Variants in SFT2D1 observed in about 807,000 individuals in gnomAD.
SFT2D1 encodes SFT2 domain containing 1.
A neutral mutation model predicts 28.1 loss-of-function variants in SFT2D1; 24 were observed. The ratio of observed to expected loss-of-function variants is 0.85; its 90% CI spans 0.62 to 1.20. The LOEUF (loss-of-function observed/expected upper bound fraction) is 1.20. SFT2D1 is among the 50% of genes most tolerant of loss of function. SFT2D1 has a pLI of 0.00. For synonymous variants in SFT2D1, 82 were observed against 73.7 expected, an observed-to-expected ratio of 1.11 and a Z score of -0.58; for missense variants, 181 against 190.9, an observed-to-expected ratio of 0.95 and a Z score of 0.31.
intron 1 of SFT2D1, among the ~76,000 whole-genome samples, chr6:166,330,890 CAG>C (rs1778537774): frequency 6.6e-6 from 1 of 152,244 alleles, no homozygotes; most frequent in African/African-American, 2.4e-5. Flanking sequence ...GCAGCCCCAG[CAG>C]AGACGATCAC....
At chr6:166,325,614 C>T (rs1438685323) in intron 5 of SFT2D1, among the ~76,000 whole-genome samples, 2 of 152,268 alleles carry the variant, frequency 1.3e-5, no homozygotes, top group African/African-American at 2.4e-5. Context: ...CTCACCACTG[C>T]AGACTCACAG....
chr6:166,335,976 T>C (rs1450521939), intron 1 of SFT2D1, among the ~76,000 whole-genome samples: 2 of 152,258 alleles, frequency 1.3e-5, no homozygotes, highest in African/African-American at 4.8e-5. Context: ...TCGTTTCTGT[T>C]CTGTGGAAAG....
intron 1 of SFT2D1, among the ~76,000 whole-genome samples, chr6:166,330,827 A>G (rs111952596): frequency 1.5e-3 from 221 of 152,304 alleles, no homozygotes; most frequent in African/African-American, 5.1e-3. Flanking sequence ...GGGTGGGGTG[A>G]CTGCACCCCA....
chr6:166,328,880 CAA>C (rs1450636093), intron 3 of SFT2D1, among the ~76,000 whole-genome samples: 1 of 152,246 alleles, frequency 6.6e-6, no homozygotes, highest in Non-Finnish European at 1.5e-5. Context: ...CAAAGATTCT[CAA>C]AGAGGGATTC....
chr6:166,330,756 AGAGGCTGGCCTT>A (rs1342227660), intron 1 of SFT2D1, among the ~76,000 whole-genome samples: 1 of 152,210 alleles, frequency 6.6e-6, no homozygotes, highest in African/African-American at 2.4e-5. Flanking sequence ...TGCTGGAGGC[AGAGGCTGGCCTT>A]CCACACGCCA....
In SFT2D1 at chr6:166,342,406, G is replaced by T; in HGVS notation, c.63+13C>A. On this transcript the variant is annotated intron_variant, in intron 1 of 7. Transcript: ENST00000361731. ...GGCAGCCCCGGGACTGGACGAGGGC[G>T]CAAGTTCGCTACCTGCGCAGTCAGG... 6.5e-7 allele frequency: 1 copy of T among 1,550,064 alleles called. No homozygotes were observed. The highest frequency in any genetic ancestry group is 8.7e-7 in the Non-Finnish European group (1 of 1,147,506).
chr6:166,329,791 G>C (rs1161375241), intron 2 of SFT2D1, among the ~76,000 whole-genome samples: 1 of 152,008 alleles, frequency 6.6e-6, no homozygotes, highest in Non-Finnish European at 1.5e-5. Flanking sequence ...CTTCCTATTT[G>C]CACTAGCATA....
intron 4 of SFT2D1, among the ~76,000 whole-genome samples, chr6:166,326,807 T>G (rs111795213): frequency 1.3e-5 from 2 of 152,230 alleles, no homozygotes; most frequent in South Asian, 4.1e-4. Context: ...TCTCAACATG[T>G]GTGTTTTTGT....
At chr6:166,325,868 T>G in intron 5 of SFT2D1, 1 of 550,580 alleles carries the variant, frequency 1.8e-6, no homozygotes, top group South Asian at 2.3e-5. Flanking sequence ...GACAGTAGAA[T>G]CTATGGCACA....
chr6:166,323,947 A>G (rs1422229774), intron 6 of SFT2D1: 1 of 151,634 alleles, frequency 6.6e-6, no homozygotes, highest in Non-Finnish European at 1.5e-5. Context: ...CAGAGGTTGC[A>G]GTGAGCCAAG....
chr6:166,335,889 G>C (rs1778640385), intron 1 of SFT2D1, among the ~76,000 whole-genome samples: 1 of 152,176 alleles, frequency 6.6e-6, no homozygotes, highest in African/African-American at 2.4e-5. Flanking sequence ...AAGAAGATAT[G>C]TTTTAGACAA....
At chr6:166,328,801 G>A (rs1285257558) in intron 3 of SFT2D1, among the ~76,000 whole-genome samples, 2 of 152,200 alleles carry the variant, frequency 1.3e-5, no homozygotes, top group African/African-American at 4.8e-5. Flanking sequence ...TTCCTAAGTC[G>A]CCCAGTCTAC....
intron 4 of SFT2D1, among the ~76,000 whole-genome samples, chr6:166,327,424 A>G (rs1778466057): frequency 6.6e-6 from 1 of 152,192 alleles, no homozygotes; most frequent in African/African-American, 2.4e-5. Flanking sequence ...CAGGCTCAAG[A>G]TAATAAGAGT....
At position 166,330,087 on chromosome 6, in the gene SFT2D1, G is replaced by A. The variant is rs1395248784; in HGVS notation, c.150+74C>T. ...AACAGGGATTTAGTAAAGGACATTA[G>A]TTTTTGGTACTAAATGGAATTATTA... On this transcript the variant is annotated intron_variant, in intron 2 of 7. Coordinates refer to ENST00000361731, the MANE Select transcript of SFT2D1 (RefSeq NM_145169.3). 3 of 1,196,024 alleles carry A rather than the reference G, an allele frequency of 2.5e-6. No homozygotes were observed. The African/African-American group carries it at 4.7e-5, about 19-fold the overall frequency. 74.1% of individuals were successfully genotyped at this position (1,196,024 alleles called of 1,614,324 possible).
Position 166,322,721 on chromosome 6 carries a change from T to G in SFT2D1, c.440+136A>C, listed in dbSNP as rs558129563. The G allele has an allele frequency of 1.6e-3, 1,126 of 697,436 alleles. 7 individuals carry two copies. Among genetic ancestry groups the G allele is most frequent in the Non-Finnish European group, 1.1e-4 (48 of 421,260 alleles). The allele number at this position is 697,436 out of a possible 1,614,324, so 43.2% of individuals were successfully genotyped here. On this transcript the variant is annotated intron_variant, in intron 7 of 7. Coordinates refer to ENST00000361731, the MANE Select transcript of SFT2D1 (RefSeq NM_145169.3). ...AAAAAAAAAAAAAAAAGTATGTTTA[T>G]TTCCTTTTAGGAAATTAAAATCAAC...
At position 166,324,626 on chromosome 6, in the gene SFT2D1, G is replaced by A. The variant is rs143843697; in HGVS notation, c.352-31C>T. 508 of 1,588,478 alleles carry A rather than the reference G, an allele frequency of 3.2e-4. 1 individual carries two copies. The African/African-American group carries it at 6.3e-3, about 20-fold the overall frequency. On this transcript the variant is annotated intron_variant, in intron 5 of 7. Transcript: ENST00000361731. ...AACAGCAAAAACAGAGCAATTATGAGTTTCAAAGTTTTAAAAACATCTTTC... is the reference window on the plus strand; with the variant it reads ...AACAGCAAAAACAGAGCAATTATGAATTTCAAAGTTTTAAAAACATCTTTC...
At chr6:166,329,479 A>C (rs1024835828) in intron 3 of SFT2D1, 28 bp downstream of exon 3, 2 of 1,594,714 alleles carry the variant, frequency 1.3e-6, no homozygotes, top group Non-Finnish European at 1.7e-6. Flanking sequence ...GCAAGAGCAA[A>C]CAAGATATTT....
chr6:166,340,045 G>A (rs536886622), intron 1 of SFT2D1, among the ~76,000 whole-genome samples: 3 of 152,202 alleles, frequency 2.0e-5, no homozygotes, highest in South Asian at 2.1e-4. Flanking sequence ...TGCTCAGGTC[G>A]AATGCCATGA....
intron 4 of SFT2D1, among the ~76,000 whole-genome samples, chr6:166,326,886 ATCT>A (rs1778453965): frequency 6.6e-6 from 1 of 152,196 alleles, no homozygotes; most frequent in African/African-American, 2.4e-5. Context: ...ACTAACTAAA[ATCT>A]TAGTGGAATA....
Sources: allele counts gnomAD v4.1 joint callset (sites outside exome capture counted in the v4.1 genomes callset), GRCh38; gene constraint gnomAD v4.1.1; transcripts MANE v1.5; gene names NCBI Gene and HGNC (gene_info 2026-07-23, HGNC 2026-07-21).